FRAS1: variants seen among roughly 807,000 people sequenced by gnomAD.
FRAS1 encodes the protein Fraser extracellular matrix complex subunit 1.
Under a neutral mutation model 435.2 loss-of-function variants are expected in FRAS1, and 290 were observed. The observed-to-expected ratio is 0.67, with a 90% confidence interval of 0.61 to 0.73. The LOEUF (loss-of-function observed/expected upper bound fraction) is 0.73, where lower values mean the gene tolerates loss of function less well. FRAS1 is among the 30% of genes least tolerant of loss of function. The pLI, the probability that FRAS1 is intolerant of heterozygous loss-of-function variation, is 0.00. For missense variants in FRAS1, 4,860 were observed against 5,001.5 expected (o/e 0.97, Z 0.85); for synonymous variants, 1,800 against 1,851.0 (o/e 0.97, Z 0.71).
intron 30 of FRAS1, among the ~76,000 whole-genome samples, chr4:78,402,436 G>A (rs1210449222): frequency 6.6e-6 from 1 of 152,092 alleles, no homozygotes; most frequent in Non-Finnish European, 1.5e-5. Flanking sequence ...TAGCTGAGAT[G>A]TCATTTATTA....
At position 78,466,227 on chromosome 4, in the gene FRAS1, C is replaced by A; in HGVS notation, c.7049C>A (p.Thr2350Asn). The change falls in exon 50 of 74, where the codon ACC (threonine) becomes AAC (asparagine). Residue 2350 changes from threonine to asparagine, a missense_variant. Transcript: ENST00000512123. ...ADTEAESVTFTIVQPPRHGTI... is the reference protein window; with the variant it reads ...ADTEAESVTFNIVQPPRHGTI... The stretch of plus-strand genomic sequence containing the variant: ...GGACAGGCCGAGTCTGTCACATTCA[C>A]CATCGTGCAGCCTCCACGCCATGGC... The A allele has an allele frequency of 6.2e-7, 1 of 1,613,920 alleles. No individual in the cohort carries two copies. Among genetic ancestry groups the A allele is most frequent in the Non-Finnish European group, 8.5e-7 (1 of 1,179,826 alleles).
intron 3 of FRAS1, among the ~76,000 whole-genome samples, chr4:78,239,737 C>T (rs2110117330): frequency 6.6e-6 from 1 of 152,264 alleles, no homozygotes; most frequent in South Asian, 2.1e-4. Flanking sequence ...TCAGAGGGAA[C>T]AGCAAAGTGC....
chr4:78,189,729 C>T (rs372990294), intron 2 of FRAS1, among the ~76,000 whole-genome samples: 139 of 152,330 alleles, frequency 9.1e-4, no homozygotes, highest in African/African-American at 3.2e-3. Flanking sequence ...TGGCAAGTCT[C>T]TATTTTACTT....
chr4:78,371,091 G>A (rs58643242), intron 23 of FRAS1, among the ~76,000 whole-genome samples: 1 of 124,310 alleles, frequency 8.0e-6, no homozygotes, highest in African/African-American at 2.9e-5. Flanking sequence ...CTGTTTTTTT[G>A]TTTTTTTTTT....
intron 70 of FRAS1, among the ~76,000 whole-genome samples, chr4:78,530,503 A>G (rs1721677735): frequency 1.3e-5 from 2 of 152,176 alleles, no homozygotes; most frequent in Admixed American, 6.5e-5. Context: ...AGACTGATAC[A>G]GGGAATTTGG....
chr4:78,130,869 C>T (rs562888628), intron 2 of FRAS1, among the ~76,000 whole-genome samples: 130 of 152,240 alleles, frequency 8.5e-4, no homozygotes, highest in Non-Finnish European at 1.6e-3. Context: ...AAAGTCATAA[C>T]TTGTAGCAGG....
In FRAS1 at chr4:78,489,125, CTTTA is replaced by C. The variant is rs750389470; in HGVS notation, c.8958+49_8958+52del. ...CTGAAAGATGAGATTCTCTTATTGTCTTTATTTGTCTGTAATGAAGTCATTTATA... is the reference window on the plus strand; with the variant it reads ...CTGAAAGATGAGATTCTCTTATTGTCTTTGTCTGTAATGAAGTCATTTATA... On this transcript the variant is annotated intron_variant, in intron 59 of 73. Coordinates refer to ENST00000512123, the MANE Select transcript of FRAS1 (RefSeq NM_025074.7). The C allele has an allele frequency of 3.2e-6, 5 of 1,540,258 alleles. No individual in the cohort carries two copies. The Admixed American group carries it at 5.3e-5, about 16-fold the overall frequency.
intron 2 of FRAS1, among the ~76,000 whole-genome samples, chr4:78,207,425 G>T (rs1347772502): frequency 6.6e-6 from 1 of 152,144 alleles, no homozygotes; most frequent in African/African-American, 2.4e-5. Context: ...AGCTTTTAAA[G>T]CAAAGTACTT....
At chr4:78,523,905 G>A (rs1217330270) in intron 69 of FRAS1, among the ~76,000 whole-genome samples, 1 of 152,090 alleles carries the variant, frequency 6.6e-6, no homozygotes, top group Non-Finnish European at 1.5e-5. Context: ...ATCCACGTTA[G>A]TTACTCACCA....
chr4:78,479,452 A>G lies in FRAS1; in HGVS notation c.8177A>G (p.Glu2726Gly), dbSNP rs1160665490. ...ATGGGAAGTAGCCTCTATGCTCTAG[A>G]ATCAGGCTCTGATTTTAAATCTAGA... ...SAMGSSLYAL[E>G]SGSDFKSRGM... Residue 2726 changes from glutamate to glycine, a missense_variant, in exon 56 of 74, where the codon GAA (glutamate) becomes GGA (glycine). Transcript: ENST00000512123. 7 of 1,603,732 alleles carry G rather than the reference A, an allele frequency of 4.4e-6. No individual in the cohort carries two copies. The highest frequency in any genetic ancestry group is 6.0e-6 in the Non-Finnish European group (7 of 1,173,398).
Position 78,464,127 on chromosome 4 carries a change from G to T in FRAS1, c.6870G>T (p.Leu2290=), listed in dbSNP as rs1212788880. ...EKHSDAFSFT[L]SDGVSEVTQT... Reference sequence around the variant, plus strand: ...ATTCAGATGCCTTCAGCTTTACACTGTCTGATGGAGTCAGTGAGGTAGGTG... The same window carrying T: ...ATTCAGATGCCTTCAGCTTTACACTTTCTGATGGAGTCAGTGAGGTAGGTG... Residue 2290 remains leucine, a synonymous_variant, in exon 48 of 74, where the codon CTG becomes CTT. Coordinates refer to ENST00000512123, the MANE Select transcript of FRAS1 (RefSeq NM_025074.7). 6.2e-7 allele frequency: 1 copy of T among 1,610,198 alleles called. No homozygotes were observed. Among genetic ancestry groups the T allele is most frequent in the African/African-American group, 1.3e-5 (1 of 74,734 alleles).
intron 2 of FRAS1, among the ~76,000 whole-genome samples, chr4:78,182,404 A>T (rs940855211): frequency 3.3e-5 from 5 of 152,216 alleles, no homozygotes; most frequent in Admixed American, 3.3e-4. Context: ...CTTAGAAGAC[A>T]AGTAAGAGGT....
chr4:78,476,997 A>G (rs1578347282), intron 54 of FRAS1, among the ~76,000 whole-genome samples: 1 of 151,898 alleles, frequency 6.6e-6, no homozygotes, highest in African/African-American at 2.4e-5. Flanking sequence ...TTTAAAAAAA[A>G]AAAAAAACAA....
At chr4:78,347,776 T>A (rs1730662448) in intron 20 of FRAS1, among the ~76,000 whole-genome samples, 1 of 94,760 alleles carries the variant, frequency 1.1e-5, no homozygotes, top group Non-Finnish European at 2.6e-5. Flanking sequence ...TGTGTGTGCG[T>A]GTGTGTGTGT....
intron 67 of FRAS1, among the ~76,000 whole-genome samples, chr4:78,520,966 G>A (rs1163217827): frequency 6.6e-6 from 1 of 152,062 alleles, no homozygotes; most frequent in East Asian, 1.9e-4. Context: ...TAATCCTTAC[G>A]TTACTCTTTG....
At chr4:78,524,602 T>C (rs566626452) in intron 69 of FRAS1, among the ~76,000 whole-genome samples, 2 of 152,288 alleles carry the variant, frequency 1.3e-5, no homozygotes, top group South Asian at 4.1e-4. Flanking sequence ...TATTTAGGAA[T>C]AGAGAAAAGT....
chr4:78,317,464 C>T lies in FRAS1; in HGVS notation c.1916C>T (p.Pro639Leu), dbSNP rs904439706. 2 of 1,613,868 alleles carry T rather than the reference C, an allele frequency of 1.2e-6. No individual in the cohort carries two copies. Among genetic ancestry groups the T allele is most frequent in the South Asian group, 1.1e-5 (1 of 91,062 alleles). ...GCTCTGCGTCAAGGCCACTGTCTGC[C>T]CCGCTGTGGAGAGGGTTTCTACTCT... ...PKALRQGHCL[P>L]RCGEGFYSDH... Residue 639 changes from proline (P) to leucine (L), a missense_variant, in exon 17 of 74, where the codon CCC becomes CTC. Coordinates refer to ENST00000512123, the MANE Select transcript of FRAS1 (RefSeq NM_025074.7).
intron 20 of FRAS1, among the ~76,000 whole-genome samples, chr4:78,347,024 C>A (rs1730628800): frequency 6.6e-6 from 1 of 152,174 alleles, no homozygotes; most frequent in Admixed American, 6.5e-5. Context: ...ATGTGATAAT[C>A]CCCTCCAGAT....
chr4:78,256,155 A>T (rs1015328001), intron 6 of FRAS1, among the ~76,000 whole-genome samples: 29 of 152,204 alleles, frequency 1.9e-4, no homozygotes, highest in African/African-American at 7.0e-4. Context: ...AACATAGCAT[A>T]TTGTGACAAT....
Sources: gnomAD v4.1 joint callset for allele counts (sites outside exome capture counted in the v4.1 genomes callset) on GRCh38, gnomAD v4.1.1 for gene constraint, MANE v1.5 for transcripts, NCBI Gene and HGNC (gene_info 2026-07-23, HGNC 2026-07-21) for gene names.